Variants in MDGA2 observed in about 807,000 individuals in gnomAD.
MDGA2 encodes the protein MAM domain containing glycosylphosphatidylinositol anchor 2, also known as MAM domain-containing glycosylphosphatidylinositol anchor protein 2.
Under a neutral mutation model 117.8 loss-of-function variants are expected in MDGA2, and 40 were observed. The observed-to-expected ratio is 0.34, with a 90% CI of 0.26 to 0.44. The LOEUF (loss-of-function observed/expected upper bound fraction) is 0.44, where lower values mean the gene tolerates loss of function less well. MDGA2 is among the 20% of genes least tolerant of loss of function. MDGA2 has a pLI of 1.00. For synonymous variants in MDGA2, 452 were observed against 439.0 expected (o/e 1.03, Z -0.37); for missense variants, 1,123 against 1,250.6 (o/e 0.90, Z 1.54).
intron 8 of MDGA2, among the ~76,000 whole-genome samples, chr14:47,023,205 A>AAAAAAAAAAGAAAAAAAAAAAG (rs750411553): frequency 1.4e-5 from 2 of 146,530 alleles, no homozygotes; most frequent in African/African-American, 5.1e-5. Context: ...TCGTAAAAAA[A>AAAAAAAAAAGAAAAAAAAAAAG]AAAAAAAAAA....
chr14:47,584,975 A>G (rs1566527231), intron 1 of MDGA2, among the ~76,000 whole-genome samples: 3 of 151,798 alleles, frequency 2.0e-5, no homozygotes, highest in East Asian at 1.9e-4. Context: ...TCTGAATCCC[A>G]CTTCCCCATT....
chr14:47,343,406 T>C (rs1194723385), intron 1 of MDGA2, among the ~76,000 whole-genome samples: 1 of 152,138 alleles, frequency 6.6e-6, no homozygotes, highest in Non-Finnish European at 1.5e-5. Context: ...CATAAATATA[T>C]GTTTGTGTTC....
intron 2 of MDGA2, among the ~76,000 whole-genome samples, chr14:47,277,310 T>C: frequency 6.6e-6 from 1 of 152,168 alleles, no homozygotes; most frequent in South Asian, 2.1e-4. Context: ...ATTAAAAACA[T>C]ATATGCAATG....
chr14:47,258,439 T>G (rs1227615437), intron 2 of MDGA2, among the ~76,000 whole-genome samples: 1 of 151,968 alleles, frequency 6.6e-6, no homozygotes, highest in Non-Finnish European at 1.5e-5. Context: ...CAACCAGATC[T>G]GAGAACTCAC....
At position 47,556,846 on chromosome 14, in the gene MDGA2, T is replaced by C. The variant is rs151080489; in HGVS notation, c.280+117671A>G. On this transcript the variant is annotated intron_variant, in intron 1 of 16. Coordinates refer to ENST00000399232, the MANE Select transcript of MDGA2 (RefSeq NM_001113498.3). ...GTAAGCTTTTCTGGGATGTTTAGTA[T>C]CTTTATGTGGTGTTTGATTATTTGC... Among the ~76,000 whole-genome samples the C allele has an allele frequency of 6.2e-4, 95 of 152,344 alleles. 1 individual carries two copies. Among genetic ancestry groups the C allele is most frequent in the African/African-American group, 2.2e-3 (90 of 41,590 alleles).
chr14:47,235,564 G>C (rs902260424), intron 2 of MDGA2, among the ~76,000 whole-genome samples: 2 of 152,150 alleles, frequency 1.3e-5, no homozygotes, highest in African/African-American at 2.4e-5. Flanking sequence ...GCAAGGATTA[G>C]AGTACTGACA....
intron 1 of MDGA2, among the ~76,000 whole-genome samples, chr14:47,499,337 T>C (rs1862236281): frequency 1.3e-5 from 2 of 152,132 alleles, no homozygotes; most frequent in Non-Finnish European, 2.9e-5. Context: ...TTATTGTAGA[T>C]TTTGCCTATA....
At chr14:47,480,380 G>A (rs1893926998) in intron 1 of MDGA2, among the ~76,000 whole-genome samples, 1 of 151,880 alleles carries the variant, frequency 6.6e-6, no homozygotes, top group Admixed American at 6.6e-5. Context: ...CTAAGCCTAA[G>A]CAGCAATAAT....
intron 3 of MDGA2, among the ~76,000 whole-genome samples, chr14:47,196,716 G>A (rs1314534833): frequency 1.3e-5 from 2 of 152,130 alleles, no homozygotes; most frequent in African/African-American, 4.8e-5. Context: ...TTTGTTACAT[G>A]GGTAAATTAT....
At chr14:46,845,688 T>G in intron 16 of MDGA2, 78 bp downstream of exon 16, 1 of 860,394 alleles carries the variant, frequency 1.2e-6, no homozygotes, top group Non-Finnish European at 1.7e-6. Flanking sequence ...GTTTTTAAAA[T>G]TAATTAAATT....
intron 7 of MDGA2, chr14:47,059,267 T>C (rs8009302): frequency 0.91 from 1,082,474 of 1,190,464 alleles, 492,401 homozygotes; most frequent in East Asian, 1. Flanking sequence ...TCTCAGACTT[T>C]GTAGAGCTTC....
intron 3 of MDGA2, among the ~76,000 whole-genome samples, chr14:47,167,828 A>T (rs976305800): frequency 2.0e-5 from 3 of 152,190 alleles, no homozygotes; most frequent in African/African-American, 7.2e-5. Flanking sequence ...TCAATCAGGT[A>T]AAACTTGAGA....
rs1255269349 is a variant in MDGA2, at chr14:47,067,039, CG to C, written c.1196-5462del. Reference sequence around the variant, plus strand: ...CTTAGGCAGGAGAAACTCTTGAACCCGGGAACCGGAGGTTGCAGTGAGCCAA... The same window carrying C: ...CTTAGGCAGGAGAAACTCTTGAACCCGGAACCGGAGGTTGCAGTGAGCCAA... On this transcript the variant is annotated intron_variant, in intron 6 of 16. Coordinates refer to ENST00000399232, the MANE Select transcript of MDGA2 (RefSeq NM_001113498.3). Among the ~76,000 whole-genome samples, 5 of 152,250 alleles carry C rather than the reference CG, an allele frequency of 3.3e-5. No homozygotes were observed. The East Asian group carries it at 9.7e-4, about 29-fold the overall frequency.
intron 1 of MDGA2, among the ~76,000 whole-genome samples, chr14:47,540,960 T>C (rs1366853516): frequency 1.3e-5 from 2 of 152,182 alleles, no homozygotes; most frequent in East Asian, 1.9e-4. Flanking sequence ...CACTATATTA[T>C]ATTTTATGTC....
chr14:46,927,326 C>T (rs1328684156), intron 9 of MDGA2, among the ~76,000 whole-genome samples: 2 of 152,020 alleles, frequency 1.3e-5, no homozygotes, highest in Non-Finnish European at 2.9e-5. Context: ...GGAATTATTA[C>T]CAATTTGATG....
chr14:46,871,186 C>A (rs1012108254), intron 14 of MDGA2: 1 of 151,860 alleles, frequency 6.6e-6, no homozygotes, highest in African/African-American at 2.4e-5. Context: ...TAAGTGATTC[C>A]CAGTCTAGAT....
chr14:47,621,106 G>A (rs1354412694), intron 1 of MDGA2, among the ~76,000 whole-genome samples: 1 of 152,056 alleles, frequency 6.6e-6, no homozygotes, highest in Non-Finnish European at 1.5e-5. Context: ...CTGAATACAT[G>A]CATTTGGCAT....
At chr14:47,325,900 C>CATTTT (rs368857980) in intron 1 of MDGA2, among the ~76,000 whole-genome samples, 16 of 152,200 alleles carry the variant, frequency 1.1e-4, no homozygotes, top group African/African-American at 3.9e-4. Flanking sequence ...AAGAAAGATG[C>CATTTT]ATTGGATCAT....
At chr14:46,919,615 G>T (rs560921233) in intron 10 of MDGA2, among the ~76,000 whole-genome samples, 1 of 152,162 alleles carries the variant, frequency 6.6e-6, no homozygotes. Context: ...GCAAAAATAT[G>T]TACAACTTCT....
Sources: gnomAD v4.1 joint callset for allele counts (sites outside exome capture counted in the v4.1 genomes callset) on GRCh38, gnomAD v4.1.1 for gene constraint, MANE v1.5 for transcripts, NCBI Gene and HGNC (gene_info 2026-07-23, HGNC 2026-07-21) for gene names.